ST18: variants seen among roughly 807,000 people sequenced by gnomAD.
The protein encoded by ST18 is suppression of tumorigenicity 18 protein.
A neutral mutation model predicts 110.0 loss-of-function variants in ST18; 50 were observed. The observed-to-expected ratio is 0.45, with a 90% CI of 0.36 to 0.58. The LOEUF is 0.58. Among genes scored for constraint, ST18 ranks in the 20% least tolerant of loss-of-function variants. ST18 has a pLI of 0.00. For missense variants in ST18, 1,306 were observed against 1,280.1 expected (o/e 1.02, Z -0.31); for synonymous variants, 461 against 452.4 (o/e 1.02, Z -0.24).
intron 2 of ST18, chr8:52,301,705 C>CAG (rs2095725119): frequency 1.3e-5 from 2 of 152,048 alleles, no homozygotes; most frequent in Non-Finnish European, 2.9e-5. Context: ...CTATGAAATA[C>CAG]TAGAAAGTCA....
intron 2 of ST18, among the ~76,000 whole-genome samples, chr8:52,389,296 C>A (rs962040245): frequency 7.9e-5 from 12 of 152,150 alleles, no homozygotes; most frequent in Non-Finnish European, 1.3e-4. Flanking sequence ...AAGCAGGGAG[C>A]CCGGTGAGGA....
chr8:52,167,929 T>C (rs777141035), intron 10 of ST18, among the ~76,000 whole-genome samples: 1 of 152,102 alleles, frequency 6.6e-6, no homozygotes, highest in Non-Finnish European at 1.5e-5. Context: ...TAAAAAGTTA[T>C]ATAAATATAT....
chr8:52,237,644 CA>C (rs1392168273), intron 2 of ST18, among the ~76,000 whole-genome samples: 1 of 152,170 alleles, frequency 6.6e-6, no homozygotes, highest in Non-Finnish European at 1.5e-5. Flanking sequence ...TATTATATTT[CA>C]GTGTGGGAGC....
intron 15 of ST18, among the ~76,000 whole-genome samples, chr8:52,153,105 A>G (rs1000215152): frequency 8.5e-5 from 13 of 152,236 alleles, no homozygotes; most frequent in African/African-American, 2.9e-4. Context: ...GCAAATGACA[A>G]CATTATATTG....
intron 2 of ST18, among the ~76,000 whole-genome samples, chr8:52,331,550 C>T (rs376584779): frequency 6.6e-6 from 1 of 152,212 alleles, no homozygotes; most frequent in East Asian, 1.9e-4. Flanking sequence ...GAAGACACAG[C>T]TTTAGGTAGG....
At chr8:52,370,703 C>T (rs1829951457) in intron 2 of ST18, among the ~76,000 whole-genome samples, 2 of 152,160 alleles carry the variant, frequency 1.3e-5, no homozygotes, top group African/African-American at 4.8e-5. Flanking sequence ...GCTTTCCTTG[C>T]ACTTCTGACT....
At chr8:52,244,642 G>A (rs944590817) in intron 2 of ST18, among the ~76,000 whole-genome samples, 1 of 152,108 alleles carries the variant, frequency 6.6e-6, no homozygotes, top group Non-Finnish European at 1.5e-5. Context: ...CCCCAGGTCT[G>A]ACATTCTGCA....
intron 2 of ST18, among the ~76,000 whole-genome samples, chr8:52,289,382 C>T (rs2095519194): frequency 6.6e-6 from 1 of 152,100 alleles, no homozygotes; most frequent in African/African-American, 2.4e-5. Context: ...ATCACCTGAG[C>T]CCAGGAAGTT....
At chr8:52,358,077 A>G (rs188728003) in intron 2 of ST18, among the ~76,000 whole-genome samples, 1 of 152,076 alleles carries the variant, frequency 6.6e-6, no homozygotes, top group Admixed American at 6.6e-5. Flanking sequence ...TGTGTATGAA[A>G]ATTAATCAAT....
At chr8:52,290,674 G>T (rs1468352791) in intron 2 of ST18, among the ~76,000 whole-genome samples, 2 of 152,032 alleles carry the variant, frequency 1.3e-5, no homozygotes, top group Admixed American at 6.6e-5. Flanking sequence ...TGAGCCCTGC[G>T]CATCCAGTTA....
At chr8:52,262,570 C>G (rs1031309516) in intron 2 of ST18, among the ~76,000 whole-genome samples, 2 of 152,200 alleles carry the variant, frequency 1.3e-5, no homozygotes, top group African/African-American at 4.8e-5. Context: ...AAAACAAGAA[C>G]GCTTAAGACT....
At chr8:52,356,102 G>A (rs1177488825) in intron 2 of ST18, among the ~76,000 whole-genome samples, 2 of 152,126 alleles carry the variant, frequency 1.3e-5, no homozygotes, top group Non-Finnish European at 2.9e-5. Context: ...ACGTGCACAA[G>A]CTTAGAGTTG....
intron 2 of ST18, among the ~76,000 whole-genome samples, chr8:52,299,079 A>G (rs942252361): frequency 1.3e-5 from 2 of 152,302 alleles, no homozygotes; most frequent in African/African-American, 4.8e-5. Context: ...CCCAGTGATT[A>G]TATTTTGGAA....
chr8:52,174,797 G>A (rs2133930560), intron 9 of ST18, among the ~76,000 whole-genome samples: 1 of 152,298 alleles, frequency 6.6e-6, no homozygotes, highest in Admixed American at 6.5e-5. Flanking sequence ...GGTTTCTAGG[G>A]ATGTTCTGCA....
Position 52,125,843 on chromosome 8 carries a change from G to A in ST18, c.2755+209C>T, listed in dbSNP as rs551546625. ...CCCCACTGCCTGACTTTCTCTGTTG[G>A]AGATCACTCCTTATTTAAAAATAAG... On this transcript the variant is annotated intron_variant, in intron 23 of 25. Coordinates refer to ENST00000689386, the MANE Select transcript of ST18 (RefSeq NM_001352837.2). 712 of 525,954 alleles carry A rather than the reference G, an allele frequency of 1.4e-3. 1 individual carries two copies. The highest frequency in any genetic ancestry group is 1.7e-3 in the Non-Finnish European group (506 of 299,110). 32.6% of individuals were successfully genotyped at this position (525,954 alleles called of 1,614,324 possible).
At chr8:52,146,136 G>A (rs1263859961) in intron 16 of ST18, among the ~76,000 whole-genome samples, 5 of 152,284 alleles carry the variant, frequency 3.3e-5, no homozygotes, top group South Asian at 2.1e-4. Context: ...GGTGGGAGCA[G>A]GGACATAACC....
chr8:52,374,379 G>A (rs983840662), intron 2 of ST18, among the ~76,000 whole-genome samples: 1 of 152,162 alleles, frequency 6.6e-6, no homozygotes, highest in Non-Finnish European at 1.5e-5. Context: ...GCAGCCGCCA[G>A]CAGTGGGAGA....
intron 12 of ST18, among the ~76,000 whole-genome samples, chr8:52,164,626 A>T (rs1406593681): frequency 1.3e-5 from 2 of 152,272 alleles, no homozygotes; most frequent in Non-Finnish European, 2.9e-5. Flanking sequence ...AAATATTTAT[A>T]GACACACAAT....
chr8:52,180,286 T>G lies in ST18; in HGVS notation c.113A>C (p.Lys38Thr), dbSNP rs2068847789. Residue 38 changes from lysine to threonine, a missense_variant, in exon 9 of 26, where the codon AAG (lysine) becomes ACG (threonine). By Grantham distance (78) the Lys-to-Thr change is moderately conservative. Transcript: ENST00000689386. ...AGCCTGATCTTCAGCTGTTCTCTTC[T>G]TTGCCATGGAGCAATCATAGGCAAC... ...LSVAYDCSMA[K>T]KRTAEDQALG... 6.2e-7 allele frequency: 1 copy of G among 1,614,196 alleles called. No homozygotes were observed. Among genetic ancestry groups the G allele is most frequent in the Non-Finnish European group, 8.5e-7 (1 of 1,180,024 alleles).
Sources: gnomAD v4.1 joint callset for allele counts (sites outside exome capture counted in the v4.1 genomes callset) on GRCh38, gnomAD v4.1.1 for gene constraint, MANE v1.5 for transcripts, NCBI Gene and HGNC (gene_info 2026-07-23, HGNC 2026-07-21) for gene names.